SRPX: variants seen among roughly 807,000 people sequenced by gnomAD.
SRPX encodes the protein sushi repeat containing protein X-linked.
Under a neutral mutation model 38.1 loss-of-function variants are expected in SRPX, and 24 were observed. That is an observed-to-expected ratio of 0.63 (90% confidence interval 0.46 to 0.89). The LOEUF (loss-of-function observed/expected upper bound fraction) is 0.89. Among genes scored for constraint, SRPX ranks in the 40% least tolerant of loss-of-function variants. The probability of loss-of-function intolerance (pLI) is 0.00; values close to 1 mark genes in which losing one functional copy is unlikely to be tolerated. For synonymous variants in SRPX, 184 were observed against 153.8 expected (o/e 1.20, Z -1.45); for missense variants, 416 against 377.8 (o/e 1.10, Z -0.84).
At chrX:38,172,365 A>G (rs1002058745) in intron 3 of SRPX, among the ~76,000 whole-genome samples, 3 of 112,992 alleles carry the variant, frequency 2.7e-5, no homozygotes, top group African/African-American at 9.6e-5. Context: ...CGGCAGGAGG[A>G]TCGCTTGAAC....
chrX:38,158,322 A>G (rs1938170794), intron 7 of SRPX, among the ~76,000 whole-genome samples: 2 of 112,516 alleles, frequency 1.8e-5, no homozygotes, highest in South Asian at 7.4e-4. Flanking sequence ...GTTCAAGGTC[A>G]ATGAAGGATG....
In SRPX at chrX:38,171,952, G is replaced by T. The variant is rs1438161465; in HGVS notation, c.455C>A (p.Thr152Lys). 2 of 1,211,297 alleles carry T rather than the reference G, an allele frequency of 1.7e-6. No individual in the cohort carries two copies. The highest frequency in any genetic ancestry group is 2.2e-6 in the Non-Finnish European group (2 of 895,271). ...RCEYYCSPGY[T>K]LKGERTVTCM... Reference sequence around the variant, plus strand: ...TGTGACGGTCCGCTCCCCTTTCAACGTGTATCCTGGTGAACAATAATACTC... The same window carrying T: ...TGTGACGGTCCGCTCCCCTTTCAACTTGTATCCTGGTGAACAATAATACTC... Residue 152 changes from threonine (T) to lysine (K), a missense_variant, in exon 4 of 10, where the codon ACG becomes AAG. Transcript: ENST00000378533.
At chrX:38,205,893 A>G (rs762544230) in intron 1 of SRPX, among the ~76,000 whole-genome samples, 1 of 112,516 alleles carries the variant, frequency 8.9e-6, no homozygotes, top group African/African-American at 3.2e-5. Context: ...ATGCCGTCCC[A>G]AACCAGCTCT....
chrX:38,197,619 G>GA (rs60283105), intron 1 of SRPX, among the ~76,000 whole-genome samples: 1 of 110,985 alleles, frequency 9.0e-6, no homozygotes. Flanking sequence ...ATGCTAGAAA[G>GA]AAAAAACAAA....
intron 1 of SRPX, among the ~76,000 whole-genome samples, chrX:38,207,039 C>A (rs1939224053): frequency 9.0e-6 from 1 of 111,205 alleles, no homozygotes; most frequent in Non-Finnish European, 1.9e-5. Flanking sequence ...ATGCAGACCC[C>A]AAAAGGAAGA....
At chrX:38,170,544 T>C (rs1938447722) in intron 4 of SRPX, among the ~76,000 whole-genome samples, 1 of 111,258 alleles carries the variant, frequency 9.0e-6, no homozygotes, top group Non-Finnish European at 1.9e-5. Flanking sequence ...TGGATCGCTG[T>C]ACCCCTTTTT....
intron 1 of SRPX, among the ~76,000 whole-genome samples, chrX:38,209,167 G>A (rs956794205): frequency 2.7e-5 from 3 of 110,010 alleles, no homozygotes; most frequent in Non-Finnish European, 5.7e-5. Flanking sequence ...AAAAGTAAAC[G>A]ATAATATCTA....
chrX:38,175,650 T>A (rs1311862221), intron 2 of SRPX, among the ~76,000 whole-genome samples: 1 of 111,453 alleles, frequency 9.0e-6, no homozygotes, highest in African/African-American at 3.3e-5. Flanking sequence ...CCCAAGTAGC[T>A]GGAACTACAG....
chrX:38,216,275 A>C (rs1350382996), intron 1 of SRPX, among the ~76,000 whole-genome samples: 3 of 112,306 alleles, frequency 2.7e-5, no homozygotes, highest in African/African-American at 9.7e-5. Flanking sequence ...GACCACCTGA[A>C]ATAACTATGT....
chrX:38,150,512 C>T (rs968682385), intron 9 of SRPX, among the ~76,000 whole-genome samples: 3 of 112,069 alleles, frequency 2.7e-5, no homozygotes, highest in African/African-American at 9.7e-5. Context: ...GCCAGGAATG[C>T]TGCTAAACAT....
At position 38,178,301 on chromosome X, in the gene SRPX, T is replaced by A. The variant is rs373366035; in HGVS notation, c.141A>T (p.Ser47=). 2.7e-5 allele frequency: 33 copies of A among 1,208,175 alleles called. No homozygotes were observed. Among genetic ancestry groups the A allele is most frequent in the Non-Finnish European group, 3.1e-5 (28 of 894,158 alleles). The part of the protein sequence containing the change: ...SPLEDDEVGY[S]HPRYKDTPWC... Reference sequence around the variant, plus strand: ...AGCATTCACCTTTATATCTAGGGTGTGAATACCCGACTTCATCGTCTTCTA... The same window carrying A: ...AGCATTCACCTTTATATCTAGGGTGAGAATACCCGACTTCATCGTCTTCTA... The change falls in exon 2 of 10, where the codon TCA becomes TCT. Residue 47 remains serine (S), a synonymous_variant. Transcript: ENST00000378533.
At chrX:38,160,780 A>G (rs901566727) in intron 6 of SRPX, among the ~76,000 whole-genome samples, 153 bp downstream of exon 6, 1 of 111,983 alleles carries the variant, frequency 8.9e-6, no homozygotes, top group African/African-American at 3.2e-5. Context: ...AGGCATTAAG[A>G]TAGGGCACTT....
At chrX:38,165,554 C>T (rs1173294385) in intron 4 of SRPX, among the ~76,000 whole-genome samples, 1 of 111,701 alleles carries the variant, frequency 9.0e-6, no homozygotes, top group Non-Finnish European at 1.9e-5. Flanking sequence ...AGAGGAGCCG[C>T]CCAACTCTCT....
Position 38,174,242 on chromosome X carries a change from G to A in SRPX, c.267C>T (p.Cys89=). The change falls in exon 3 of 10, where the codon TGC becomes TGT. Residue 89 remains cysteine (C), a synonymous_variant. Coordinates refer to ENST00000378533, the MANE Select transcript of SRPX (RefSeq NM_006307.5). ...TALGTRCDIR[C]QKGYELHGSS... ...AGCCATGCAGCTCGTAGCCCTTCTG[G>A]CAGCGAATGTCGCACCTGGTTCCCA... The A allele has an allele frequency of 1.7e-6, 2 of 1,165,129 alleles. No individual in the cohort carries two copies. Among genetic ancestry groups the A allele is most frequent in the Admixed American group, 2.5e-5 (1 of 39,283 alleles).
chrX:38,192,811 T>G (rs1187714224), intron 1 of SRPX, among the ~76,000 whole-genome samples: 2 of 111,493 alleles, frequency 1.8e-5, no homozygotes, highest in Non-Finnish European at 1.9e-5. Flanking sequence ...GCTGGTGAAG[T>G]CCTCATTTGC....
chrX:38,173,789 C>T (rs1447961663), intron 3 of SRPX, among the ~76,000 whole-genome samples: 1 of 111,941 alleles, frequency 8.9e-6, no homozygotes, highest in Non-Finnish European at 1.9e-5. Flanking sequence ...ATGTCCCTGA[C>T]TTTGTACCCT....
chrX:38,220,771 G>A lies in SRPX; in HGVS notation c.22C>T (p.Pro8Ser). 5 of 1,132,941 alleles carry A rather than the reference G, an allele frequency of 4.4e-6. No homozygotes were observed. The highest frequency in any genetic ancestry group is 4.6e-6 in the Non-Finnish European group (4 of 862,773). The allele number at this position is 1,132,941 out of a possible 1,213,427, so 93.4% of individuals were successfully genotyped here. The part of the protein sequence containing the change: MGSPAHR[P>S]ALLLLLPPLL... ...GGCGGCAGCAGCAGCAGCAGCGCGG[G>A]CCGATGTGCGGGGCTCCCCATGGCG... The change falls in exon 1 of 10, where the codon CCC becomes TCC. Residue 8 changes from proline (P) to serine (S), a missense_variant. Coordinates refer to ENST00000378533, the MANE Select transcript of SRPX (RefSeq NM_006307.5).
chrX:38,165,296 G>A lies in SRPX; in HGVS notation c.527-401C>T, dbSNP rs1938345754. On this transcript the variant is annotated intron_variant, in intron 4 of 9. Coordinates refer to ENST00000378533, the MANE Select transcript of SRPX (RefSeq NM_006307.5). ...CAGCATCATGGAATATTACAGAAAG[G>A]CATTCTAGCTATCATCTAGTCAGAT... Among the ~76,000 whole-genome samples the A allele has an allele frequency of 4.5e-5, 5 of 111,986 alleles. No homozygotes were observed. In the South Asian group the frequency reaches 1.5e-3, roughly 33 times the overall value.
At chrX:38,205,540 T>G (rs1939192114) in intron 1 of SRPX, among the ~76,000 whole-genome samples, 1 of 112,099 alleles carries the variant, frequency 8.9e-6, no homozygotes, top group East Asian at 2.8e-4. Flanking sequence ...TGGTGTCATA[T>G]TCAAGAAATC....
Sources: gnomAD v4.1 joint callset for allele counts (sites outside exome capture counted in the v4.1 genomes callset) on GRCh38, gnomAD v4.1.1 for gene constraint, MANE v1.5 for transcripts, NCBI Gene and HGNC (gene_info 2026-07-23, HGNC 2026-07-21) for gene names.